The following SPAG6 variants were observed in gnomAD, a reference collection of about 807,000 sequenced individuals.
SPAG6 encodes sperm-associated antigen 6.
In SPAG6, 49 loss-of-function variants were observed where a neutral mutation model predicts 58.5. The observed-to-expected ratio is 0.84, with a 90% CI of 0.67 to 1.06. The LOEUF (loss-of-function observed/expected upper bound fraction) is 1.06. SPAG6 is among the 50% of genes least tolerant of loss of function. The probability of loss-of-function intolerance (pLI) is 0.00; values close to 1 mark genes in which losing one functional copy is unlikely to be tolerated. For synonymous variants in SPAG6, 233 were observed against 225.6 expected, an observed-to-expected ratio of 1.03 and a Z score of -0.29; for missense variants, 560 against 611.3, an observed-to-expected ratio of 0.92 and a Z score of 0.89.
At chr10:22,383,835 A>G (rs908755675) in intron 4 of SPAG6, among the ~76,000 whole-genome samples, 1 of 152,086 alleles carries the variant, frequency 6.6e-6, no homozygotes, top group African/African-American at 2.4e-5. Context: ...GAACAGAACA[A>G]TGTTTTTATT....
At chr10:22,349,388 C>A (rs756040002) in intron 2 of SPAG6, among the ~76,000 whole-genome samples, 17 of 152,152 alleles carry the variant, frequency 1.1e-4, no homozygotes, top group Non-Finnish European at 2.2e-4. Context: ...TACTTCCCGT[C>A]TGAATAATTA....
intron 2 of SPAG6, among the ~76,000 whole-genome samples, chr10:22,358,501 G>A (rs951242557): frequency 1.3e-5 from 2 of 151,934 alleles, no homozygotes; most frequent in African/African-American, 4.8e-5. Flanking sequence ...AGATGAGTAG[G>A]TTGCGAAAAT....
At position 22,386,932 on chromosome 10, in the gene SPAG6, G is replaced by A. The variant is rs1349634590; in HGVS notation, c.651G>A (p.Met217Ile). The change falls in exon 5 of 11, where the codon ATG (methionine) becomes ATA (isoleucine). Residue 217 changes from methionine (M) to isoleucine (I), a missense_variant. Met to Ile is a conservative substitution (Grantham distance 10). Transcript: ENST00000376624. Reference protein sequence around the residue: ...DAGAVAHLAQMILNPDAKLKH... With the variant: ...DAGAVAHLAQIILNPDAKLKH... Reference sequence around the variant, plus strand: ...GAGCTGTTGCTCATTTAGCCCAGATGATCCTGAACCCTGATGCTAAATTGA... The same window carrying A: ...GAGCTGTTGCTCATTTAGCCCAGATAATCCTGAACCCTGATGCTAAATTGA... 3 of 1,613,568 alleles carry A rather than the reference G, an allele frequency of 1.9e-6. No homozygotes were observed. Among genetic ancestry groups the A allele is most frequent in the Non-Finnish European group, 2.5e-6 (3 of 1,179,670 alleles).
At chr10:22,409,914 A>C (rs538116841) in intron 9 of SPAG6, among the ~76,000 whole-genome samples, 1 of 152,096 alleles carries the variant, frequency 6.6e-6, no homozygotes, top group African/African-American at 2.4e-5. Context: ...GTTCTATCCT[A>C]CCGTGGTCTA....
chr10:22,394,782 T>C (rs576395709), intron 8 of SPAG6, among the ~76,000 whole-genome samples: 44 of 152,302 alleles, frequency 2.9e-4, no homozygotes, highest in Admixed American at 1.1e-3. Context: ...AATCAACTCA[T>C]TGAAGCCTTG....
At chr10:22,378,417 GTTT>G (rs35036098) in intron 4 of SPAG6, among the ~76,000 whole-genome samples, 2 of 133,296 alleles carry the variant, frequency 1.5e-5, no homozygotes, top group Non-Finnish European at 3.3e-5. Context: ...GTCTGGGCAG[GTTT>G]TTTTTTTTTT....
At chr10:22,409,120 C>T (rs893365413) in intron 9 of SPAG6, among the ~76,000 whole-genome samples, 3 of 152,206 alleles carry the variant, frequency 2.0e-5, no homozygotes, top group African/African-American at 7.2e-5. Flanking sequence ...TAGACCGGAG[C>T]TGTTCCTATT....
At chr10:22,414,950 C>T (rs1373978422) in intron 10 of SPAG6, among the ~76,000 whole-genome samples, 8 of 152,024 alleles carry the variant, frequency 5.3e-5, no homozygotes, top group South Asian at 2.1e-4. Context: ...ATTTTTAGCA[C>T]GGACGAGGTT....
chr10:22,354,641 T>G (rs1836816834), intron 2 of SPAG6, among the ~76,000 whole-genome samples: 1 of 152,230 alleles, frequency 6.6e-6, no homozygotes, highest in South Asian at 2.1e-4. Flanking sequence ...CAAATCCAAC[T>G]TCGCATAGCT....
chr10:22,360,441 G>A (rs1356764395), intron 2 of SPAG6, among the ~76,000 whole-genome samples: 1 of 148,178 alleles, frequency 6.7e-6, no homozygotes, highest in Non-Finnish European at 1.5e-5. Flanking sequence ...AGACCAGCCT[G>A]GGCAACAAGG....
chr10:22,381,572 C>G (rs2132073729), intron 4 of SPAG6, among the ~76,000 whole-genome samples: 1 of 151,382 alleles, frequency 6.6e-6, no homozygotes, highest in East Asian at 1.9e-4. Flanking sequence ...TTCCCGGGCC[C>G]TGTGGGCATT....
chr10:22,382,579 C>T (rs73598505), intron 4 of SPAG6, among the ~76,000 whole-genome samples: 25,383 of 151,980 alleles, frequency 0.17, 6,341 homozygotes, highest in African/African-American at 0.55. Flanking sequence ...TGATACACTC[C>T]TTTCATATAA....
intron 2 of SPAG6, among the ~76,000 whole-genome samples, chr10:22,347,055 T>G (rs953571694): frequency 1.3e-5 from 2 of 152,052 alleles, no homozygotes; most frequent in African/African-American, 2.4e-5. Flanking sequence ...GTGTGTGTGT[T>G]TTGTCCTATA....
chr10:22,383,935 A>G (rs1475967436), intron 4 of SPAG6, among the ~76,000 whole-genome samples: 1 of 152,212 alleles, frequency 6.6e-6, no homozygotes, highest in Non-Finnish European at 1.5e-5. Context: ...AACCATGTAC[A>G]GACACCAAGC....
intron 4 of SPAG6, among the ~76,000 whole-genome samples, chr10:22,378,838 C>G (rs542358678): frequency 6.6e-6 from 1 of 152,202 alleles, no homozygotes; most frequent in African/African-American, 2.4e-5. Flanking sequence ...TACTTGAGTC[C>G]TGTGAGAGCT....
At chr10:22,398,634 C>A (rs950535491) in intron 8 of SPAG6, among the ~76,000 whole-genome samples, 1 of 152,074 alleles carries the variant, frequency 6.6e-6, no homozygotes, top group Non-Finnish European at 1.5e-5. Context: ...GAGGCTAAGG[C>A]AGGAGTATTG....
intron 10 of SPAG6, chr10:22,413,100 T>A (rs1368309947): frequency 1.5e-5 from 2 of 133,670 alleles, no homozygotes; most frequent in Non-Finnish European, 3.0e-5. Flanking sequence ...AACTAAAGTG[T>A]CCCCAGAATG....
intron 4 of SPAG6, among the ~76,000 whole-genome samples, chr10:22,386,475 A>G (rs1472390398): frequency 6.7e-6 from 1 of 149,192 alleles, no homozygotes; most frequent in Admixed American, 6.7e-5. Context: ...ACATCTGCTT[A>G]CTCTCTTAAA....
At position 22,411,163 on chromosome 10, in the gene SPAG6, G is replaced by C; in HGVS notation, c.1447G>C (p.Glu483Gln). Residue 483 changes from glutamate (E) to glutamine (Q), a missense_variant, in exon 10 of 11, where the codon GAG (glutamate) becomes CAG (glutamine). Glu to Gln is a conservative substitution (Grantham distance 29, BLOSUM62 2). Coordinates refer to ENST00000376624, the MANE Select transcript of SPAG6 (RefSeq NM_012443.4). ...CAACAGTATTAACAGTTGTTACCCC[G>C]AGGAAATAGTGAGGTGGGGAAAATG... Reference protein sequence around the residue: ...YINSINSCYPEEIVRYYSPGY... With the variant: ...YINSINSCYPQEIVRYYSPGY... 2 of 1,607,336 alleles carry C rather than the reference G, an allele frequency of 1.2e-6. No individual in the cohort carries two copies. The highest frequency in any genetic ancestry group is 3.4e-5 in the Admixed American group (2 of 58,568).
Sources: allele counts gnomAD v4.1 joint callset (sites outside exome capture counted in the v4.1 genomes callset), GRCh38; gene constraint gnomAD v4.1.1; transcripts MANE v1.5; gene names NCBI Gene and HGNC (gene_info 2026-07-23, HGNC 2026-07-21).